The following GLMN variants were observed in gnomAD, a reference collection of about 807,000 sequenced individuals.
The protein encoded by GLMN is glomulin, FKBP associated protein, also known as glomulin.
GLMN carries 75 observed loss-of-function variants against 87.8 expected under a neutral mutation model. That is an observed-to-expected ratio of 0.85 (90% CI 0.71 to 1.04). GLMN has a LOEUF of 1.04. Among genes scored for constraint, GLMN ranks in the 50% least tolerant of loss-of-function variants. The pLI is 0.00. For synonymous variants in GLMN, 206 were observed against 221.6 expected (o/e 0.93, Z 0.63); for missense variants, 588 against 658.8 (o/e 0.89, Z 1.18).
intron 4 of GLMN, 58 bp downstream of exon 4, chr1:92,291,360 G>C: frequency 7.1e-7 from 1 of 1,400,070 alleles, no homozygotes; most frequent in South Asian, 1.2e-5. Flanking sequence ...AACATTAAAG[G>C]GAATTATAAA....
the GLMN span, among the ~76,000 whole-genome samples, chr1:92,321,202 T>G: frequency 6.6e-6 from 1 of 152,200 alleles, no homozygotes; most frequent in Non-Finnish European, 1.5e-5. Context: ...TAAGAGATAT[T>G]TATTTATTGA....
At chr1:92,321,523 T>G in the GLMN span, among the ~76,000 whole-genome samples, 1 of 152,094 alleles carries the variant, frequency 6.6e-6, no homozygotes, top group East Asian at 1.9e-4. Flanking sequence ...ACCCAGAGTC[T>G]TTTTCATCCT....
chr1:92,247,252 A>G, intron 17 of GLMN, 108 bp from the exon 18 acceptor site: 1 of 749,454 alleles, frequency 1.3e-6, no homozygotes, highest in Non-Finnish European at 2.4e-6. Flanking sequence ...ATTTGTATAA[A>G]TTATTAAGTC....
chr1:92,310,430 C>T, the GLMN span, among the ~76,000 whole-genome samples: 7 of 152,076 alleles, frequency 4.6e-5, no homozygotes, highest in Non-Finnish European at 8.8e-5. Flanking sequence ...TTACATATGG[C>T]ATGGGATACA....
At chr1:92,266,637 A>G (rs746880958) in intron 12 of GLMN, 63 bp downstream of exon 12, 106 of 1,302,814 alleles carry the variant, frequency 8.1e-5, no homozygotes, top group Non-Finnish European at 1.1e-4. Context: ...AAAGAAAATT[A>G]AATTATTTGT....
the GLMN span, among the ~76,000 whole-genome samples, chr1:92,357,222 C>A: frequency 5.9e-5 from 9 of 151,978 alleles, no homozygotes; most frequent in African/African-American, 2.2e-4. Flanking sequence ...CACTTTACAG[C>A]CTACTGGAGG....
chr1:92,325,746 C>A, the GLMN span, among the ~76,000 whole-genome samples: 9 of 152,028 alleles, frequency 5.9e-5, no homozygotes, highest in Admixed American at 5.9e-4. Flanking sequence ...ATCAGCACCT[C>A]TTTCCAAAAT....
At chr1:92,313,207 G>T in the GLMN span, among the ~76,000 whole-genome samples, 1 of 152,142 alleles carries the variant, frequency 6.6e-6, no homozygotes, top group Admixed American at 6.5e-5. Context: ...GAATCCTTTC[G>T]TGAAGGATTT....
chr1:92,294,581 A>T (rs1376935209), intron 3 of GLMN, among the ~76,000 whole-genome samples: 2 of 152,000 alleles, frequency 1.3e-5, no homozygotes, highest in South Asian at 2.1e-4. Context: ...TTTTATTTTT[A>T]TTTTTTTTCT....
chr1:92,356,470 T>A, the GLMN span, among the ~76,000 whole-genome samples: 1 of 151,838 alleles, frequency 6.6e-6, no homozygotes, highest in Non-Finnish European at 1.5e-5. Flanking sequence ...CAGGCTGCAG[T>A]ACAGGTGACC....
the GLMN span, among the ~76,000 whole-genome samples, chr1:92,308,339 ACT>A: frequency 1.3e-5 from 2 of 150,026 alleles, no homozygotes; most frequent in African/African-American, 5.0e-5. Context: ...AAAATAAAAG[ACT>A]CTGGCATTGT....
At chr1:92,275,876 C>T (rs905159886) in intron 7 of GLMN, among the ~76,000 whole-genome samples, 4 of 152,144 alleles carry the variant, frequency 2.6e-5, no homozygotes, top group African/African-American at 9.7e-5. Context: ...GAGTTCACTC[C>T]TGAGCCCTTT....
At chr1:92,292,408 T>C (rs1649508887) in intron 3 of GLMN, among the ~76,000 whole-genome samples, 1 of 151,582 alleles carries the variant, frequency 6.6e-6, no homozygotes, top group Non-Finnish European at 1.5e-5. Flanking sequence ...TTAAATACAT[T>C]CTTATTTATT....
At chr1:92,264,205 C>T (rs944637935) in intron 14 of GLMN, among the ~76,000 whole-genome samples, 32 of 151,922 alleles carry the variant, frequency 2.1e-4, no homozygotes, top group African/African-American at 7.5e-4. Flanking sequence ...CCCAATTACT[C>T]GGGAGGCTGA....
At chr1:92,258,738 C>T (rs369123818) in intron 16 of GLMN, among the ~76,000 whole-genome samples, 2 of 152,076 alleles carry the variant, frequency 1.3e-5, no homozygotes, top group East Asian at 1.9e-4. Context: ...GAACATCACA[C>T]ACCGGGGCCT....
intron 3 of GLMN, among the ~76,000 whole-genome samples, chr1:92,294,930 C>G (rs1159568759): frequency 6.6e-6 from 1 of 152,172 alleles, no homozygotes; most frequent in African/African-American, 2.4e-5. Flanking sequence ...CCACCCGCCT[C>G]GGCCTCCCAA....
chr1:92,259,580 T>C (rs866108524), intron 16 of GLMN, among the ~76,000 whole-genome samples: 1 of 152,182 alleles, frequency 6.6e-6, no homozygotes, highest in Non-Finnish European at 1.5e-5. Flanking sequence ...CCTGTTCATA[T>C]TTCTGACTGT....
intron 16 of GLMN, among the ~76,000 whole-genome samples, chr1:92,254,190 A>G (rs1409562460): frequency 6.6e-6 from 1 of 152,180 alleles, no homozygotes; most frequent in Non-Finnish European, 1.5e-5. Flanking sequence ...CAACTTAATG[A>G]AATAAAGTGT....
At chr1:92,348,787 T>C in the GLMN span, among the ~76,000 whole-genome samples, 1 of 152,242 alleles carries the variant, frequency 6.6e-6, no homozygotes, top group Non-Finnish European at 1.5e-5. Flanking sequence ...TTGACTTCTA[T>C]AAAGTATAAT....
Sources: allele counts gnomAD v4.1 joint callset (sites outside exome capture counted in the v4.1 genomes callset), GRCh38; gene constraint gnomAD v4.1.1; transcripts MANE v1.5; gene names NCBI Gene and HGNC (gene_info 2026-07-23, HGNC 2026-07-21).